The following GPATCH2 variants were observed in gnomAD, a reference collection of about 807,000 sequenced individuals.
The protein encoded by GPATCH2 is G patch domain-containing protein 2.
Under a neutral mutation model 58.0 loss-of-function variants are expected in GPATCH2, and 51 were observed. That is an observed-to-expected ratio of 0.88 (90% confidence interval 0.70 to 1.11). The LOEUF (loss-of-function observed/expected upper bound fraction) is 1.11. Ranked by LOEUF, GPATCH2 falls within the 50% of genes most tolerant of loss-of-function variation. The pLI, the probability that GPATCH2 is intolerant of heterozygous loss-of-function variation, is 0.00. For missense variants in GPATCH2, 625 were observed against 652.2 expected (o/e 0.96, Z 0.45); for synonymous variants, 222 against 218.5 (o/e 1.02, Z -0.14).
chr1:217,433,487 C>A (rs1658654979), intron 9 of GPATCH2, among the ~76,000 whole-genome samples: 1 of 151,636 alleles, frequency 6.6e-6, no homozygotes, highest in Admixed American at 6.6e-5. Flanking sequence ...ACCTCCACCT[C>A]CCAGGTTCAA....
At chr1:217,506,733 G>T (rs1662583359) in intron 6 of GPATCH2, among the ~76,000 whole-genome samples, 1 of 152,156 alleles carries the variant, frequency 6.6e-6, no homozygotes, top group Non-Finnish European at 1.5e-5. Flanking sequence ...ACCTTCTCTG[G>T]TCTCATCACA....
At chr1:217,569,834 G>C (rs1666451452) in intron 5 of GPATCH2, among the ~76,000 whole-genome samples, 2 of 152,086 alleles carry the variant, frequency 1.3e-5, no homozygotes, top group African/African-American at 4.8e-5. Flanking sequence ...GAGCCCAAGA[G>C]CCCAAAATGT....
intron 6 of GPATCH2, chr1:217,498,673 T>G (rs1385245025): frequency 3.8e-6 from 2 of 532,220 alleles, no homozygotes; most frequent in Non-Finnish European, 6.7e-6. Context: ...ACTGTATTCA[T>G]TTTATGAATC....
chr1:217,529,191 A>T (rs1664067670), intron 5 of GPATCH2, among the ~76,000 whole-genome samples: 1 of 152,222 alleles, frequency 6.6e-6, no homozygotes, highest in African/African-American at 2.4e-5. Context: ...GAGTTACCCA[A>T]ATAAATAGTT....
intron 5 of GPATCH2, among the ~76,000 whole-genome samples, chr1:217,546,051 AT>A (rs1012227676): frequency 6.6e-5 from 10 of 151,998 alleles, no homozygotes; most frequent in Admixed American, 3.3e-4. Context: ...CAAAGTTTTA[AT>A]TTTTTTTAAT....
chr1:217,624,492 G>A (rs534251265), intron 1 of GPATCH2, among the ~76,000 whole-genome samples: 6 of 152,358 alleles, frequency 3.9e-5, no homozygotes, highest in African/African-American at 7.2e-5. Flanking sequence ...ACTCCAGCCC[G>A]GGAGGCAGAG....
intron 5 of GPATCH2, among the ~76,000 whole-genome samples, chr1:217,597,108 T>C (rs1051596265): frequency 6.6e-6 from 1 of 151,672 alleles, no homozygotes; most frequent in African/African-American, 2.4e-5. Context: ...GAGGATCACT[T>C]AAGGCCAGGA....
chr1:217,446,361 T>C (rs1659387408), intron 9 of GPATCH2, among the ~76,000 whole-genome samples: 1 of 152,180 alleles, frequency 6.6e-6, no homozygotes, highest in Admixed American at 6.5e-5. Context: ...TGACTCTTTT[T>C]CAGAATTTGA....
chr1:217,604,344 CAAA>C (rs199867558), intron 5 of GPATCH2, among the ~76,000 whole-genome samples: 3 of 102,490 alleles, frequency 2.9e-5, no homozygotes, highest in Non-Finnish European at 2.0e-5. Flanking sequence ...GACTCCATCT[CAAA>C]AAAAAAAAAA....
chr1:217,572,098 A>G (rs1571942146), intron 5 of GPATCH2, among the ~76,000 whole-genome samples: 1 of 152,108 alleles, frequency 6.6e-6, no homozygotes, highest in South Asian at 2.1e-4. Context: ...AGAAATGTGC[A>G]AGTATTTGTG....
intron 5 of GPATCH2, among the ~76,000 whole-genome samples, chr1:217,578,137 G>C (rs889561352): frequency 6.7e-6 from 1 of 149,370 alleles, no homozygotes; most frequent in East Asian, 2.0e-4. Flanking sequence ...TTTAATGGCT[G>C]GGGGGGGATT....
intron 5 of GPATCH2, among the ~76,000 whole-genome samples, chr1:217,528,004 G>A (rs976470829): frequency 2.6e-5 from 4 of 152,194 alleles, no homozygotes; most frequent in Admixed American, 2.0e-4. Context: ...GTGGGTTTTG[G>A]AGGAGATGAG....
intron 5 of GPATCH2, among the ~76,000 whole-genome samples, chr1:217,578,597 C>G (rs999672413): frequency 6.6e-6 from 1 of 152,162 alleles, no homozygotes; most frequent in Non-Finnish European, 1.5e-5. Flanking sequence ...TTTCTGGTAC[C>G]ATTTTCTGCC....
intron 5 of GPATCH2, among the ~76,000 whole-genome samples, chr1:217,597,891 G>C (rs930445775): frequency 7.9e-5 from 12 of 152,170 alleles, no homozygotes; most frequent in South Asian, 2.1e-4. Context: ...AAAAGGTCTA[G>C]CAAGCCCTGC....
At chr1:217,589,330 C>T (rs1480816681) in intron 5 of GPATCH2, among the ~76,000 whole-genome samples, 1 of 151,930 alleles carries the variant, frequency 6.6e-6, no homozygotes, top group Non-Finnish European at 1.5e-5. Context: ...GCTTTATGAC[C>T]TAAGTGCCTG....
At chr1:217,628,642 T>C (rs549062079) in intron 1 of GPATCH2, among the ~76,000 whole-genome samples, 1 of 151,226 alleles carries the variant, frequency 6.6e-6, no homozygotes, top group Admixed American at 6.6e-5. Context: ...ATATAGTTTA[T>C]TTTAATGGCT....
At chr1:217,560,875 T>C (rs556346931) in intron 5 of GPATCH2, among the ~76,000 whole-genome samples, 1 of 152,374 alleles carries the variant, frequency 6.6e-6, no homozygotes, top group South Asian at 2.1e-4. Context: ...GTTTTCATTT[T>C]TCACTTTCTC....
intron 5 of GPATCH2, among the ~76,000 whole-genome samples, chr1:217,589,110 T>C (rs1667473980): frequency 6.6e-6 from 1 of 152,044 alleles, no homozygotes; most frequent in African/African-American, 2.4e-5. Flanking sequence ...AACAATTCAC[T>C]CCTGTTTGGT....
Position 217,431,376 on chromosome 1 carries a change from A to C in GPATCH2, c.1367-11T>G. On this transcript the variant is annotated splice_polypyrimidine_tract_variant and intron_variant, in intron 9 of 9. Transcript: ENST00000366935. ...TTTCACCTACAAATCCTGAAATGAT[A>C]AAACAACAGCACACATTAATCAGTA... 1 of 1,387,070 alleles carries C rather than the reference A, an allele frequency of 7.2e-7. No individual in the cohort carries two copies. The highest frequency in any genetic ancestry group is 1.8e-4 in the Middle Eastern group (1 of 5,666). 85.9% of individuals were successfully genotyped at this position (1,387,070 alleles called of 1,614,324 possible).
Sources: allele counts gnomAD v4.1 joint callset (sites outside exome capture counted in the v4.1 genomes callset), GRCh38; gene constraint gnomAD v4.1.1; transcripts MANE v1.5; gene names NCBI Gene and HGNC (gene_info 2026-07-23, HGNC 2026-07-21).